UNC5C: variants seen among roughly 807,000 people sequenced by gnomAD.
UNC5C encodes the protein unc-5 netrin receptor C, also known as netrin receptor UNC5C.
Under a neutral mutation model 99.8 loss-of-function variants are expected in UNC5C, and 47 were observed. That is an observed-to-expected ratio of 0.47 (90% confidence interval 0.37 to 0.60). UNC5C has a LOEUF of 0.60. Among genes scored for constraint, UNC5C ranks in the 20% least tolerant of loss-of-function variants. UNC5C has a pLI of 0.00. For synonymous variants in UNC5C, 487 were observed against 452.2 expected (o/e 1.08, Z -0.98); for missense variants, 1,062 against 1,165.9 (o/e 0.91, Z 1.30).
At chr4:95,524,348 T>C (rs1232657043) in intron 1 of UNC5C, among the ~76,000 whole-genome samples, 1 of 152,142 alleles carries the variant, frequency 6.6e-6, no homozygotes, top group Non-Finnish European at 1.5e-5. Context: ...AGATAAGACA[T>C]AAATGATGCC....
chr4:95,422,310 T>C (rs1337339529), intron 1 of UNC5C, among the ~76,000 whole-genome samples: 7 of 152,234 alleles, frequency 4.6e-5, no homozygotes, highest in Admixed American at 4.6e-4. Context: ...GAGTAGGCTG[T>C]AGACAATTTC....
chr4:95,345,850 A>C (rs1474869942), intron 1 of UNC5C, among the ~76,000 whole-genome samples: 1 of 152,024 alleles, frequency 6.6e-6, no homozygotes, highest in Admixed American at 6.6e-5. Context: ...GGATATGGCA[A>C]AAGCAGTACT....
chr4:95,274,608 G>A (rs1740789311), intron 4 of UNC5C, among the ~76,000 whole-genome samples: 1 of 152,058 alleles, frequency 6.6e-6, no homozygotes, highest in African/African-American at 2.4e-5. Flanking sequence ...CTCTTTCCCT[G>A]GGCCCTGAAA....
chr4:95,391,084 G>A (rs547859146), intron 1 of UNC5C, among the ~76,000 whole-genome samples: 19 of 152,246 alleles, frequency 1.2e-4, no homozygotes, highest in African/African-American at 4.1e-4. Flanking sequence ...CCCTGCACAC[G>A]CTCTCCTGCC....
At chr4:95,280,946 C>T (rs1473744462) in intron 3 of UNC5C, among the ~76,000 whole-genome samples, 1 of 152,144 alleles carries the variant, frequency 6.6e-6, no homozygotes, top group East Asian at 1.9e-4. Context: ...TAAGAATTTT[C>T]TCTTCTGATG....
At position 95,301,742 on chromosome 4, in the gene UNC5C, A is replaced by C. The variant is rs1388499870; in HGVS notation, c.354T>G (p.Ile118Met). 6.2e-7 allele frequency: 1 copy of C among 1,612,710 alleles called. No homozygotes were observed. Among genetic ancestry groups the C allele is most frequent in the Non-Finnish European group, 8.5e-7 (1 of 1,179,974 alleles). ...AAATCTCAATGCTCACTTCCCGGAC[A>C]ATGAGACCTGACAAGAGAAAAAGAA... ...DERVDETSGL[I>M]VREVSIEISR... Residue 118 changes from isoleucine to methionine, a missense_variant, in exon 3 of 16, where the codon ATT (isoleucine) becomes ATG (methionine). This residue lies in a region of UNC5C where 249 missense variants were observed against 295.1 expected (regional missense o/e 0.84). Coordinates refer to ENST00000453304, the MANE Select transcript of UNC5C (RefSeq NM_003728.4).
chr4:95,383,558 A>T, intron 1 of UNC5C, among the ~76,000 whole-genome samples: 1 of 152,178 alleles, frequency 6.6e-6, no homozygotes, highest in East Asian at 1.9e-4. Context: ...ACAACAACTT[A>T]ATGATGAATC....
chr4:95,444,578 G>A (rs969642987), intron 1 of UNC5C, among the ~76,000 whole-genome samples: 2 of 152,084 alleles, frequency 1.3e-5, no homozygotes, highest in Non-Finnish European at 2.9e-5. Context: ...TGATCCGCCC[G>A]CCTCAACCTC....
At chr4:95,299,330 G>T (rs1741787736) in intron 3 of UNC5C, among the ~76,000 whole-genome samples, 1 of 152,154 alleles carries the variant, frequency 6.6e-6, no homozygotes, top group Admixed American at 6.5e-5. Context: ...AACCAAACCT[G>T]CTGACACCTT....
At chr4:95,191,281 A>G (rs1737078082) in intron 12 of UNC5C, among the ~76,000 whole-genome samples, 1 of 152,120 alleles carries the variant, frequency 6.6e-6, no homozygotes, top group Non-Finnish European at 1.5e-5. Context: ...TGCTTGGGCA[A>G]ATTTCCATTA....
At chr4:95,357,918 A>C (rs894962572) in intron 1 of UNC5C, among the ~76,000 whole-genome samples, 46 of 152,198 alleles carry the variant, frequency 3.0e-4, no homozygotes, top group African/African-American at 1.1e-3. Context: ...GTTCAAAAAC[A>C]GATAAATGGG....
At chr4:95,519,691 G>A (rs1056076060) in intron 1 of UNC5C, among the ~76,000 whole-genome samples, 2 of 152,188 alleles carry the variant, frequency 1.3e-5, no homozygotes, top group African/African-American at 2.4e-5. Context: ...AATTGGAAGA[G>A]TAATCAATTA....
intron 1 of UNC5C, among the ~76,000 whole-genome samples, chr4:95,538,029 G>C (rs1052584886): frequency 2.0e-5 from 3 of 152,012 alleles, no homozygotes; most frequent in African/African-American, 7.2e-5. Context: ...TTTCTCAAAG[G>C]CTCCCTTTAA....
At chr4:95,357,938 T>C (rs1256924754) in intron 1 of UNC5C, among the ~76,000 whole-genome samples, 1 of 152,212 alleles carries the variant, frequency 6.6e-6, no homozygotes. Flanking sequence ...GATAATGCTA[T>C]ACATGTTCTG....
At position 95,458,919 on chromosome 4, in the gene UNC5C, A is replaced by T. The variant is rs537236519; in HGVS notation, c.124+89815T>A. 3.3e-5 allele frequency among the ~76,000 whole-genome samples: 5 copies of T among 152,206 alleles called. No homozygotes were observed. The South Asian group carries it at 1.0e-3, about 32-fold the overall frequency. The stretch of plus-strand genomic sequence containing the variant: ...AACTTACCCCAAGCCTTATCCCTTA[A>T]CATATAAATAAATGAAGTATAGAAT... On this transcript the variant is annotated intron_variant, in intron 1 of 15. Coordinates refer to ENST00000453304, the MANE Select transcript of UNC5C (RefSeq NM_003728.4).
Position 95,162,715 on chromosome 4 carries a change from G to A in UNC5C, c.*6519C>T, listed in dbSNP as rs557532843. On this transcript the variant is annotated 3_prime_UTR_variant, in exon 16 of 16. Coordinates refer to ENST00000453304, the MANE Select transcript of UNC5C (RefSeq NM_003728.4). ...CAAGGCGCCGGACAGATATCCGGAG[G>A]GCACTCTGCCTCTGCCGGGGGGTTT... 2.6e-5 allele frequency: 4 copies of A among 152,252 alleles called. No homozygotes were observed. The East Asian group carries it at 7.7e-4, about 29-fold the overall frequency. The allele number at this position is 152,252 out of a possible 1,614,324, so 9.4% of individuals were successfully genotyped here.
chr4:95,533,055 A>C (rs10000442), intron 1 of UNC5C, among the ~76,000 whole-genome samples: 100,940 of 151,880 alleles, frequency 0.66, 33,718 homozygotes, highest in Middle Eastern at 0.8. Context: ...AGAGAAATGG[A>C]CATATTTTTA....
chr4:95,206,790 G>A lies in UNC5C; in HGVS notation c.1740C>T (p.Pro580=). ...TVHRKETMRP[P]MDDSQTLLTP... is the part of the protein sequence containing the mutation. ...TCAAAAGTGTCTGAGAGTCATCCATGGGTGGCCTAGGAGGAGAGCAGAGAA... is the reference window on the plus strand; with the variant it reads ...TCAAAAGTGTCTGAGAGTCATCCATAGGTGGCCTAGGAGGAGAGCAGAGAA... The change falls in exon 11 of 16, where the codon CCC becomes CCT. Residue 580 remains proline (P), a synonymous_variant. Transcript: ENST00000453304. 2 of 1,596,206 alleles carry A rather than the reference G, an allele frequency of 1.3e-6. No homozygotes were observed. Among genetic ancestry groups the A allele is most frequent in the Non-Finnish European group, 1.7e-6 (2 of 1,171,574 alleles).
intron 3 of UNC5C, among the ~76,000 whole-genome samples, chr4:95,299,521 T>A (rs988395470): frequency 2.6e-5 from 4 of 152,174 alleles, no homozygotes; most frequent in African/African-American, 7.2e-5. Context: ...GGAGGCAAGA[T>A]GAGAGGTGTA....
Sources: gnomAD v4.1 joint callset for allele counts (sites outside exome capture counted in the v4.1 genomes callset) on GRCh38, gnomAD v4.1.1 for gene constraint, gnomAD v4.1.1 regional missense constraint, MANE v1.5 for transcripts, NCBI Gene and HGNC (gene_info 2026-07-23, HGNC 2026-07-21) for gene names.